RYR2: variants seen among roughly 807,000 people sequenced by gnomAD.
RYR2 encodes the protein ryanodine receptor 2.
Under a neutral mutation model 601.1 loss-of-function variants are expected in RYR2, and 227 were observed. The observed-to-expected ratio is 0.38, with a 90% CI of 0.34 to 0.42. The LOEUF (loss-of-function observed/expected upper bound fraction) is 0.42, where lower values mean the gene tolerates loss of function less well. Ranked by LOEUF, RYR2 falls within the 10% of genes least tolerant of loss-of-function variation. The pLI is 1.00. For synonymous variants in RYR2, 2,223 were observed against 2,175.1 expected (o/e 1.02, Z -0.61); for missense variants, 4,646 against 6,156.5 (o/e 0.75, Z 8.21).
chr1:237,048,722 T>C (rs1660890278), intron 1 of RYR2, among the ~76,000 whole-genome samples: 1 of 152,180 alleles, frequency 6.6e-6, no homozygotes, highest in African/African-American at 2.4e-5. Context: ...GGTCAGAGAA[T>C]GCTCTGACCC....
intron 1 of RYR2, among the ~76,000 whole-genome samples, chr1:237,259,158 G>A (rs192941303): frequency 1.6e-4 from 25 of 152,142 alleles, no homozygotes; most frequent in Admixed American, 1.5e-3. Flanking sequence ...TTGCATAAGA[G>A]TCATCAGCAC....
intron 63 of RYR2, among the ~76,000 whole-genome samples, chr1:237,697,625 G>GTTTTTTTTTTTTTTTTTTTTTT (rs1687611219): frequency 7.2e-6 from 1 of 138,542 alleles, no homozygotes. Flanking sequence ...TTACTGATTC[G>GTTTTTTTTTTTTTTTTTTTTTT]TTATCTATAT....
chr1:237,790,423 A>G (rs1342202782), intron 92 of RYR2, among the ~76,000 whole-genome samples: 2 of 152,172 alleles, frequency 1.3e-5, no homozygotes, highest in East Asian at 1.9e-4. Flanking sequence ...CTAACTTTCT[A>G]ACGGGTCCTC....
At chr1:237,194,767 A>T (rs1471109907) in intron 1 of RYR2, among the ~76,000 whole-genome samples, 1 of 152,186 alleles carries the variant, frequency 6.6e-6, no homozygotes, top group East Asian at 1.9e-4. Context: ...AAAAGCCAGG[A>T]GTTTGAAGAG....
At chr1:237,500,684 C>A (rs766750886) in intron 20 of RYR2, 27 bp from the exon 21 acceptor site, 6 of 1,539,342 alleles carry the variant, frequency 3.9e-6, no homozygotes, top group Non-Finnish European at 5.3e-6. Flanking sequence ...AAATACATGA[C>A]CTTCCTTAAT....
intron 8 of RYR2, among the ~76,000 whole-genome samples, chr1:237,380,170 G>T (rs1274929678): frequency 6.6e-6 from 1 of 151,148 alleles, no homozygotes; most frequent in East Asian, 2.0e-4. Flanking sequence ...AAGTACTATG[G>T]TGTGGATTCA....
At chr1:237,220,255 ACT>A (rs1329258562) in intron 1 of RYR2, among the ~76,000 whole-genome samples, 1 of 151,620 alleles carries the variant, frequency 6.6e-6, no homozygotes, top group Admixed American at 6.6e-5. Flanking sequence ...AAGGGAATTC[ACT>A]CTCTCTGCTT....
intron 1 of RYR2, among the ~76,000 whole-genome samples, chr1:237,165,483 C>T (rs1424810295): frequency 6.6e-6 from 1 of 152,146 alleles, no homozygotes; most frequent in African/African-American, 2.4e-5. Flanking sequence ...TGGGCCCTAG[C>T]TTTCCTTAGG....
intron 88 of RYR2, among the ~76,000 whole-genome samples, chr1:237,779,730 T>C (rs972915937): frequency 1.3e-5 from 2 of 152,230 alleles, no homozygotes; most frequent in African/African-American, 2.4e-5. Flanking sequence ...CAAAGCTGGA[T>C]ACTAGTTAAG....
At chr1:237,601,306 T>C (rs1361244186) in intron 34 of RYR2, among the ~76,000 whole-genome samples, 6 of 152,252 alleles carry the variant, frequency 3.9e-5, no homozygotes, top group Non-Finnish European at 7.4e-5. Flanking sequence ...CTGGAGGATA[T>C]TGTGTTTAGT....
chr1:237,810,157 CATT>C (rs1166878031), intron 100 of RYR2, among the ~76,000 whole-genome samples: 1 of 151,918 alleles, frequency 6.6e-6, no homozygotes, highest in Non-Finnish European at 1.5e-5. Flanking sequence ...AAAGCATAAA[CATT>C]ATTTGAAAAA....
chr1:237,697,663 G>C (rs557862720), intron 63 of RYR2, among the ~76,000 whole-genome samples: 1 of 149,632 alleles, frequency 6.7e-6, no homozygotes, highest in Non-Finnish European at 1.5e-5. Context: ...GTACCATAAG[G>C]ACTATTTTGT....
intron 10 of RYR2, among the ~76,000 whole-genome samples, chr1:237,409,666 A>G (rs971231167): frequency 2.6e-4 from 39 of 152,156 alleles, no homozygotes; most frequent in African/African-American, 9.4e-4. Flanking sequence ...TCTGTGGTAT[A>G]TCACAGAAAT....
intron 27 of RYR2, among the ~76,000 whole-genome samples, chr1:237,564,054 A>G (rs1466108018): frequency 1.3e-5 from 2 of 152,184 alleles, no homozygotes; most frequent in African/African-American, 4.8e-5. Flanking sequence ...AAAAATAAGG[A>G]TAACTACCTG....
At chr1:237,140,234 A>G (rs1673239305) in intron 1 of RYR2, among the ~76,000 whole-genome samples, 1 of 152,178 alleles carries the variant, frequency 6.6e-6, no homozygotes, top group South Asian at 2.1e-4. Flanking sequence ...ATATCTGTTT[A>G]TCAGCTTTCA....
At chr1:237,128,807 C>T (rs1671823556) in intron 1 of RYR2, among the ~76,000 whole-genome samples, 1 of 152,052 alleles carries the variant, frequency 6.6e-6, no homozygotes, top group Non-Finnish European at 1.5e-5. Context: ...TAGCTGGCAT[C>T]AGGATGCTAG....
At chr1:237,579,113 T>C (rs1246662594) in intron 29 of RYR2, among the ~76,000 whole-genome samples, 2 of 152,156 alleles carry the variant, frequency 1.3e-5, no homozygotes, top group African/African-American at 4.8e-5. Flanking sequence ...TCTAGTTCAT[T>C]TATGATCTAA....
chr1:237,616,596 A>G (rs2148609316), intron 37 of RYR2, among the ~76,000 whole-genome samples: 1 of 152,256 alleles, frequency 6.6e-6, no homozygotes, highest in East Asian at 1.9e-4. Context: ...GAAAGAAGGG[A>G]ACTCTAGTCT....
intron 1 of RYR2, among the ~76,000 whole-genome samples, chr1:237,242,871 A>G (rs544421657): frequency 3.9e-5 from 6 of 152,266 alleles, no homozygotes; most frequent in Admixed American, 2.6e-4. Flanking sequence ...CAGAAACCCA[A>G]CTGAAACTGA....
Sources: gnomAD v4.1 joint callset for allele counts (sites outside exome capture counted in the v4.1 genomes callset) on GRCh38, gnomAD v4.1.1 for gene constraint, MANE v1.5 for transcripts, NCBI Gene and HGNC (gene_info 2026-07-23, HGNC 2026-07-21) for gene names.